Variants in ARID1A observed in about 807,000 individuals in gnomAD.
ARID1A encodes AT-rich interaction domain 1A.
Under a neutral mutation model 212.6 loss-of-function variants are expected in ARID1A, and 20 were observed. The ratio of observed to expected loss-of-function variants is 0.09; its 90% confidence interval spans 0.07 to 0.14. The LOEUF (loss-of-function observed/expected upper bound fraction) is 0.14. Ranked by LOEUF, ARID1A falls within the 10% of genes least tolerant of loss-of-function variation. ARID1A has a pLI of 1.00. For missense variants in ARID1A, 2,587 were observed against 3,059.0 expected (o/e 0.85, Z 3.64); for synonymous variants, 1,376 against 1,222.1 (o/e 1.13, Z -2.63).
At chr1:26,702,500 A>C (rs909568328) in intron 1 of ARID1A, among the ~76,000 whole-genome samples, 1 of 152,204 alleles carries the variant, frequency 6.6e-6, no homozygotes, top group Non-Finnish European at 1.5e-5. Context: ...GAAGGAACCA[A>C]ATGTTTCAGA....
chr1:26,774,926 C>A lies in ARID1A; in HGVS notation c.4699C>A (p.Pro1567Thr), dbSNP rs2124121630. 1.5e-6 allele frequency: 1 copy of A among 660,726 alleles called. No homozygotes were observed. The highest frequency in any genetic ancestry group is 2.4e-6 in the Non-Finnish European group (1 of 413,448). The allele number at this position is 660,726 out of a possible 1,614,324, so 40.9% of individuals were successfully genotyped here. A position where few individuals can be genotyped will look rare whatever the true frequency, so the allele number is the denominator to read the frequency against. The stretch of plus-strand genomic sequence containing the variant: ...TGCCCCTGTGCCCCCCATGACAAGG[C>A]CCCCTCCATCTAACTACCAGCCCCC... ...PSAPVPPMTR[P>T]PPSNYQPPPS... Residue 1567 changes from proline (P) to threonine (T), a missense_variant, in exon 18 of 20, where the codon CCC (proline) becomes ACC (threonine). Physicochemically the swap from Pro to Thr is conservative, Grantham distance 38. This residue lies in a region of ARID1A where 890 missense variants were observed against 1,098.2 expected (regional missense o/e 0.81). Transcript: ENST00000324856. The surrounding 1 kb of genome is among the most constrained non-coding windows in gnomAD (Gnocchi z 5.6).
At chr1:26,700,611 A>C (rs1324061305) in intron 1 of ARID1A, among the ~76,000 whole-genome samples, 1 of 152,264 alleles carries the variant, frequency 6.6e-6, no homozygotes, top group Admixed American at 6.5e-5. Flanking sequence ...TACCAAGGTA[A>C]AAAATAAAAT....
chr1:26,746,927 GGAGGCT>G (rs1397665325), intron 4 of ARID1A, among the ~76,000 whole-genome samples: 1 of 152,090 alleles, frequency 6.6e-6, no homozygotes, highest in Non-Finnish European at 1.5e-5. Flanking sequence ...CAGCTACTTG[GGAGGCT>G]GAGGCTGAGG....
In ARID1A at chr1:26,774,472, G is replaced by T. The variant is rs1410638702; in HGVS notation, c.4245G>T (p.Gln1415His). Reference sequence around the variant, plus strand: ...CAGCCCAGCCCCAGCCTGCCAGCCAGCAACAAGCTGCCCAGCCTTCCCCTC... The same window carrying T: ...CAGCCCAGCCCCAGCCTGCCAGCCATCAACAAGCTGCCCAGCCTTCCCCTC... ...LPPAQPQPAS[Q>H]QQAAQPSPQQ... is the part of the protein sequence containing the mutation. The change falls in exon 18 of 20, where the codon CAG becomes CAT. Residue 1415 changes from glutamine (Q) to histidine (H), a missense_variant. By Grantham distance (24) the Gln-to-His change is conservative (BLOSUM62 0). Coordinates refer to ENST00000324856, the MANE Select transcript of ARID1A (RefSeq NM_006015.6). This position sits in a 1 kb window ranked among gnomAD's most constrained non-coding sequence, Gnocchi z 5.6. 6.2e-7 allele frequency: 1 copy of T among 1,613,720 alleles called. No homozygotes were observed. The highest frequency in any genetic ancestry group is 8.5e-7 in the Non-Finnish European group (1 of 1,179,788).
chr1:26,744,793 C>T (rs1388268629), intron 4 of ARID1A, among the ~76,000 whole-genome samples: 1 of 152,138 alleles, frequency 6.6e-6, no homozygotes, highest in Non-Finnish European at 1.5e-5. Context: ...AAAGCGTGTG[C>T]TGACTCAACC....
chr1:26,781,470 A>G lies in ARID1A; in HGVS notation c.*714A>G, dbSNP rs2081194818. The G allele has an allele frequency of 4.3e-6, 1 of 233,410 alleles. No individual in the cohort carries two copies. 14.5% of individuals were successfully genotyped at this position (233,410 alleles called of 1,614,324 possible). A position where few individuals can be genotyped will look rare whatever the true frequency, so the allele number is the denominator to read the frequency against. On this transcript the variant is annotated 3_prime_UTR_variant, in exon 20 of 20. Coordinates refer to ENST00000324856, the MANE Select transcript of ARID1A (RefSeq NM_006015.6). ...TTAAACGTTGAGGAGAAAAAAAAAA[A>G]AGGCTTTTCCCCCAAAGTATCATGT...
chr1:26,754,020 G>T (rs540277316), intron 4 of ARID1A, among the ~76,000 whole-genome samples: 1 of 152,162 alleles, frequency 6.6e-6, no homozygotes, highest in East Asian at 1.9e-4. Flanking sequence ...TGTTAGTCAG[G>T]ATGGTCTCAG....
At chr1:26,735,291 A>G (rs1187119491) in intron 4 of ARID1A, among the ~76,000 whole-genome samples, 1 of 145,730 alleles carries the variant, frequency 6.9e-6, no homozygotes, top group Admixed American at 6.8e-5. Flanking sequence ...ACGCCCAACT[A>G]ATTTATTTAT....
rs748245175 is a variant in ARID1A, at chr1:26,763,135, C to T, written c.2582C>T (p.Ala861Val). Residue 861 changes from alanine (A) to valine (V), a missense_variant, in exon 8 of 20, where the codon GCC becomes GTC. Around this residue, in one of 11 missense-constraint regions of ARID1A, gnomAD observed 674 missense variants for 813.4 expected, o/e 0.83. Transcript: ENST00000324856. ...GTLPPGRMSH[A>V]SMGNRPYGPN... ...CTCCCTCCAGGGAGGATGAGTCACG[C>T]CTCCATGGGCAACCGGCCTTATGGC... is the stretch of plus-strand genomic sequence containing the variant. The T allele has an allele frequency of 1.2e-6, 2 of 1,614,156 alleles. No individual in the cohort carries two copies. The highest frequency in any genetic ancestry group is 2.2e-5 in the East Asian group (1 of 44,900).
At chr1:26,720,614 A>G (rs1570565991) in intron 1 of ARID1A, among the ~76,000 whole-genome samples, 3 of 152,156 alleles carry the variant, frequency 2.0e-5, no homozygotes, top group Non-Finnish European at 4.4e-5. Flanking sequence ...GCAGTGGCTC[A>G]TGCCTATAAT....
chr1:26,705,241 G>A (rs1224910296), intron 1 of ARID1A, among the ~76,000 whole-genome samples: 3 of 151,838 alleles, frequency 2.0e-5, no homozygotes, highest in South Asian at 2.1e-4. Context: ...AGGTTCAAGC[G>A]ATTCTCATGC....
chr1:26,697,282 C>G lies in ARID1A; in HGVS notation c.879C>G (p.Pro293=), dbSNP rs779556809. Residue 293 remains proline, a synonymous_variant, in exon 1 of 20, where the codon CCC becomes CCG. Transcript: ENST00000324856. ...GAACTCCCCAGCCCACCGCCACCCC[C>G]ACCCTCAACCAACTGCTCACGTCGC... ...GGGTPQPTAT[P]TLNQLLTSPS... The G allele has an allele frequency of 3.7e-6, 5 of 1,363,642 alleles. No individual in the cohort carries two copies. The highest frequency in any genetic ancestry group is 3.0e-5 in the East Asian group (1 of 33,116). The allele number at this position is 1,363,642 out of a possible 1,614,324, so 84.5% of individuals were successfully genotyped here.
intron 12 of ARID1A, 56 bp from the exon 13 acceptor site, chr1:26,772,444 G>A (rs2081090714): frequency 3.7e-6 from 6 of 1,610,450 alleles, no homozygotes; most frequent in Non-Finnish European, 5.1e-6. Flanking sequence ...GTGTTTGTGT[G>A]AGAGTTAAAC....
At chr1:26,777,557 A>G (rs1399433319) in intron 19 of ARID1A, among the ~76,000 whole-genome samples, 1 of 151,930 alleles carries the variant, frequency 6.6e-6, no homozygotes, top group Non-Finnish European at 1.5e-5. Flanking sequence ...ATTTTTTTAT[A>G]GAGGCAGGGT....
At chr1:26,759,846 G>C (rs1029266753) in intron 4 of ARID1A, among the ~76,000 whole-genome samples, 1 of 152,234 alleles carries the variant, frequency 6.6e-6, no homozygotes, top group Non-Finnish European at 1.5e-5. Context: ...TACTGTTATA[G>C]ACCAGGTGTT....
chr1:26,714,326 G>T lies in ARID1A; in HGVS notation c.1138-15325G>T, dbSNP rs111554002. Among the ~76,000 whole-genome samples, 221 of 152,304 alleles carry T rather than the reference G, an allele frequency of 1.5e-3. 1 individual carries two copies. The highest frequency in any genetic ancestry group is 5.0e-3 in the African/African-American group (208 of 41,552). ...AACTTTGAGAAGAACTGTAGAATTT[G>T]TAGTACTCTGGTTTTCCATCCAGGG... On this transcript the variant is annotated intron_variant, in intron 1 of 19. Transcript: ENST00000324856.
At chr1:26,703,809 G>T (rs959091447) in intron 1 of ARID1A, among the ~76,000 whole-genome samples, 1 of 152,174 alleles carries the variant, frequency 6.6e-6, no homozygotes, top group Non-Finnish European at 1.5e-5. Flanking sequence ...AGATTTAAAA[G>T]GTAGAAACAA....
Position 26,766,477 on chromosome 1 carries a change from A to T in ARID1A, c.2899A>T (p.Met967Leu), listed in dbSNP as rs1490260493. The part of the protein sequence containing the change: ...NSAGMAASPE[M>L]MGLGDVKLTP... ...TACAGGGATGGCAGCCAGCCCAGAG[A>T]TGATGGGCCTTGGGGATGTAAAGTT... The change falls in exon 10 of 20, where the codon ATG becomes TTG. Residue 967 changes from methionine to leucine, a missense_variant. Coordinates refer to ENST00000324856, the MANE Select transcript of ARID1A (RefSeq NM_006015.6). 1.2e-6 allele frequency: 2 copies of T among 1,614,050 alleles called. No homozygotes were observed. The highest frequency in any genetic ancestry group is 1.7e-5 in the Admixed American group (1 of 60,002).
rs372272181 is a variant in ARID1A, at chr1:26,762,277, A to T, written c.2377A>T (p.Met793Leu). The T allele has an allele frequency of 6.2e-7, 1 of 1,614,042 alleles. No individual in the cohort carries two copies. The highest frequency in any genetic ancestry group is 8.5e-7 in the Non-Finnish European group (1 of 1,180,020). Residue 793 changes from methionine to leucine, a missense_variant, in exon 7 of 20, where the codon ATG (methionine) becomes TTG (leucine). By Grantham distance (15) the Met-to-Leu change is conservative. This residue lies in a region of ARID1A where 674 missense variants were observed against 813.4 expected (regional missense o/e 0.83). Coordinates refer to ENST00000324856, the MANE Select transcript of ARID1A (RefSeq NM_006015.6). ...TGMGSYQQNS[M>L]GSYGPQGGQY... ...CATGGGCTCCTACCAGCAGAACTCC[A>T]TGGGGAGCTATGGTCCCCAGGGGGG... is the stretch of plus-strand genomic sequence containing the variant.
Sources: gnomAD v4.1 joint callset for allele counts (sites outside exome capture counted in the v4.1 genomes callset) on GRCh38, gnomAD v4.1.1 for gene constraint, gnomAD v4.1.1 regional missense constraint, Gnocchi (gnomAD v3.1) non-coding constraint, MANE v1.5 for transcripts, NCBI Gene and HGNC (gene_info 2026-07-23, HGNC 2026-07-21) for gene names.